ELFN1: variants seen among roughly 807,000 people sequenced by gnomAD.
The protein encoded by ELFN1 is extracellular leucine rich repeat and fibronectin type III domain containing 1, also known as protein ELFN1.
In ELFN1, 6 loss-of-function variants were observed where a neutral mutation model predicts 7.6. That is an observed-to-expected ratio of 0.79 (90% CI 0.43 to 1.56). The LOEUF is 1.56. Among genes scored for constraint, ELFN1 ranks in the 40% most tolerant of loss-of-function variants. ELFN1 has a pLI of 0.01. For missense variants in ELFN1, 1,169 were observed against 1,232.2 expected, an observed-to-expected ratio of 0.95 and a Z score of 0.77; for synonymous variants, 657 against 588.1, an observed-to-expected ratio of 1.12 and a Z score of -1.70.
chr7:1,679,331 C>T (rs758619367), intron 1 of ELFN1, among the ~76,000 whole-genome samples: 28 of 152,142 alleles, frequency 1.8e-4, no homozygotes, highest in Middle Eastern at 3.2e-3. Flanking sequence ...GGCATTATCA[C>T]GGCTGCACAT....
At chr7:1,702,394 T>G (rs532962785) in intron 2 of ELFN1, among the ~76,000 whole-genome samples, 1,869 of 147,820 alleles carry the variant, frequency 0.013, 74 homozygotes, top group African/African-American at 0.044. Context: ...CTGCACTCCA[T>G]CCTGGGCGAC....
intron 3 of ELFN1, among the ~76,000 whole-genome samples, chr7:1,728,673 G>A (rs150327561): frequency 5.3e-5 from 8 of 152,280 alleles, no homozygotes; most frequent in Admixed American, 2.0e-4. Context: ...GTTTTCTCAC[G>A]TTCCCCCCTC....
intron 1 of ELFN1, among the ~76,000 whole-genome samples, chr7:1,677,709 C>G (rs928406808): frequency 6.6e-6 from 1 of 152,028 alleles, no homozygotes; most frequent in Non-Finnish European, 1.5e-5. Flanking sequence ...CATGAATGAT[C>G]GTGGCTCTGA....
At chr7:1,675,366 G>A (rs948293777) in intron 1 of ELFN1, among the ~76,000 whole-genome samples, 5 of 152,208 alleles carry the variant, frequency 3.3e-5, no homozygotes, top group Admixed American at 6.5e-5. Context: ...TGCACACCCC[G>A]GCATTGCTGC....
Position 1,740,987 on chromosome 7 carries a change from G to A in ELFN1, c.-293-3317G>A, listed in dbSNP as rs1045531131. Among the ~76,000 whole-genome samples, 7 of 152,106 alleles carry A rather than the reference G, an allele frequency of 4.6e-5. No individual in the cohort carries two copies. The highest frequency in any genetic ancestry group is 6.5e-5 in the Admixed American group (1 of 15,278). On this transcript the variant is annotated intron_variant, in intron 3 of 3. Transcript: ENST00000424383. This position sits in a 1 kb window ranked among gnomAD's most constrained non-coding sequence, Gnocchi z 5.0. ...TCTACTAAAAGTACAAAAATTAGCCGGGCATGGTGGTGTGTGCCTATAATC... is the reference window on the plus strand; with the variant it reads ...TCTACTAAAAGTACAAAAATTAGCCAGGCATGGTGGTGTGTGCCTATAATC...
chr7:1,679,582 G>A (rs1018801209), intron 1 of ELFN1, among the ~76,000 whole-genome samples: 24 of 152,304 alleles, frequency 1.6e-4, no homozygotes, highest in African/African-American at 5.3e-4. Flanking sequence ...GAGCTCTCCC[G>A]GGGAGGATGT....
intron 2 of ELFN1, among the ~76,000 whole-genome samples, chr7:1,691,098 G>GA (rs1779153138): frequency 6.6e-6 from 1 of 152,186 alleles, no homozygotes; most frequent in Non-Finnish European, 1.5e-5. Flanking sequence ...GAGGCCCCCA[G>GA]AAGTGGCTTG....
chr7:1,744,543 C>T lies in ELFN1; in HGVS notation c.-54C>T. 6.9e-7 allele frequency: 1 copy of T among 1,439,044 alleles called. No individual in the cohort carries two copies. The highest frequency in any genetic ancestry group is 9.1e-7 in the Non-Finnish European group (1 of 1,102,140). 89.1% of individuals were successfully genotyped at this position (1,439,044 alleles called of 1,614,324 possible). A position where few individuals can be genotyped will look rare whatever the true frequency, so the allele number is the denominator to read the frequency against. ...CCCTCTGGGGGCTGGCGCCTGGCCC[C>T]CCACCTGGTCCCCCTGGGCAGGCTG... On this transcript the variant is annotated 5_prime_UTR_variant, in exon 4 of 4. Transcript: ENST00000424383.
rs780538635 is a variant in ELFN1 at position 1,746,315 on chromosome 7, C to G, written c.1719C>G (p.Ile573Met). ...DKVNQIINNC[I>M]DALKSESTSF... is the part of the protein sequence containing the mutation. ...TCAACCAGATCATCAACAACTGCAT[C>G]GACGCGCTCAAGTCCGAGTCCACCT... The change falls in exon 4 of 4, where the codon ATC becomes ATG. Residue 573 changes from isoleucine to methionine, a missense_variant. Transcript: ENST00000424383. 1.3e-6 allele frequency: 2 copies of G among 1,576,862 alleles called. No homozygotes were observed. Among genetic ancestry groups the G allele is most frequent in the African/African-American group, 2.7e-5 (2 of 73,978 alleles).
chr7:1,669,527 G>T (rs2128571808), upstream of ELFN1, among the ~76,000 whole-genome samples: 1 of 152,374 alleles, frequency 6.6e-6, no homozygotes, highest in East Asian at 1.9e-4. Flanking sequence ...TCGACGCGCT[G>T]TGTAGGGCCA....
chr7:1,667,840 C>T (rs533297286), upstream of ELFN1, among the ~76,000 whole-genome samples: 20 of 152,114 alleles, frequency 1.3e-4, no homozygotes, highest in African/African-American at 4.6e-4. This position sits in a 1 kb window ranked among gnomAD's most constrained non-coding sequence, Gnocchi z 8.2. Flanking sequence ...CAGATGTCCT[C>T]GCGGCGGCGG....
rs571415241 is a variant in ELFN1 at position 1,725,377 on chromosome 7, G to A, written c.-294+16125G>A. Among the ~76,000 whole-genome samples the A allele has an allele frequency of 6.4e-4, 98 of 152,172 alleles. No individual in the cohort carries two copies. The Middle Eastern group carries it at 0.01, about 16-fold the overall frequency. ...AGGAGACAGTGGGACGGGACAGGGC[G>A]CAGGCGAGGCCGGTGACAGGTGCGT... On this transcript the variant is annotated intron_variant, in intron 3 of 3. Coordinates refer to ENST00000424383, the MANE Select transcript of ELFN1 (RefSeq NM_001128636.4).
intron 3 of ELFN1, among the ~76,000 whole-genome samples, chr7:1,718,389 A>T (rs2128591282): frequency 6.6e-6 from 1 of 152,222 alleles, no homozygotes; most frequent in Non-Finnish European, 1.5e-5. Context: ...AAGAAGGGAG[A>T]GTGGGTCACC....
At chr7:1,684,254 G>A (rs953126997) in intron 1 of ELFN1, among the ~76,000 whole-genome samples, 4 of 151,926 alleles carry the variant, frequency 2.6e-5, no homozygotes, top group Non-Finnish European at 5.9e-5. Context: ...TATCTTTTTC[G>A]ATCCTTTTAT....
rs927864321 is a variant in ELFN1 at position 1,670,509 on chromosome 7, G to A, written c.-549+155G>A. ...CAGCCCCTGCTGCGCCCCCAGGCCTGGCGCGCGATCCGAGCGCAGCGGGCA... is the reference window on the plus strand; with the variant it reads ...CAGCCCCTGCTGCGCCCCCAGGCCTAGCGCGCGATCCGAGCGCAGCGGGCA... On this transcript the variant is annotated intron_variant, in intron 1 of 3. Coordinates refer to ENST00000424383, the MANE Select transcript of ELFN1 (RefSeq NM_001128636.4). The surrounding 1 kb of genome is among the most constrained non-coding windows in gnomAD (Gnocchi z 6.4). Among the ~76,000 whole-genome samples, 2 of 151,908 alleles carry A rather than the reference G, an allele frequency of 1.3e-5. No individual in the cohort carries two copies. The highest frequency in any genetic ancestry group is 2.9e-5 in the Non-Finnish European group (2 of 67,930).
chr7:1,693,444 C>T, intron 2 of ELFN1: 1 of 471,260 alleles, frequency 2.1e-6, no homozygotes, highest in Middle Eastern at 3.2e-4. Context: ...GTGACATGGG[C>T]TTAGACTGCC....
At chr7:1,711,358 C>T (rs1454640176) in intron 3 of ELFN1, among the ~76,000 whole-genome samples, 4 of 152,046 alleles carry the variant, frequency 2.6e-5, no homozygotes, top group African/African-American at 9.7e-5. Flanking sequence ...GCAGCTGCCA[C>T]TGAGGCCCGC....
At position 1,735,949 on chromosome 7, in the gene ELFN1, C is replaced by T. The variant is rs1407102237; in HGVS notation, c.-293-8355C>T. On this transcript the variant is annotated intron_variant, in intron 3 of 3. Transcript: ENST00000424383. The surrounding 1 kb of genome is among the most constrained non-coding windows in gnomAD (Gnocchi z 5.9). ...AGAGGTTAAGTGACATGCCCAAGGTCACACAGCAGGCGCACGGCAGAGCCA... is the reference window on the plus strand; with the variant it reads ...AGAGGTTAAGTGACATGCCCAAGGTTACACAGCAGGCGCACGGCAGAGCCA... Among the ~76,000 whole-genome samples the T allele has an allele frequency of 6.6e-6, 1 of 152,168 alleles. No homozygotes were observed. The highest frequency in any genetic ancestry group is 1.5e-5 in the Non-Finnish European group (1 of 68,026).
chr7:1,695,252 C>T lies in ELFN1; in HGVS notation c.-456+7102C>T, dbSNP rs895444599. ...GCCTGAGAACCCCAGGAAGTAGTAG[C>T]GTGCCAGGTGCGTGGCCGGCCTCCC... On this transcript the variant is annotated intron_variant, in intron 2 of 3. Transcript: ENST00000424383. This position sits in a 1 kb window ranked among gnomAD's most constrained non-coding sequence, Gnocchi z 5.1. Among the ~76,000 whole-genome samples the T allele has an allele frequency of 2.0e-5, 3 of 152,216 alleles. No individual in the cohort carries two copies. Among genetic ancestry groups the T allele is most frequent in the Non-Finnish European group, 2.9e-5 (2 of 68,040 alleles).
Sources: allele counts gnomAD v4.1 joint callset (sites outside exome capture counted in the v4.1 genomes callset), GRCh38; gene constraint gnomAD v4.1.1; non-coding constraint Gnocchi (gnomAD v3.1); transcripts MANE v1.5; gene names NCBI Gene and HGNC (gene_info 2026-07-23, HGNC 2026-07-21).